Variants in NEBL observed in about 807,000 individuals in gnomAD.
NEBL encodes nebulette, also known as LIM and SH3 protein 2.
A neutral mutation model predicts 140.2 loss-of-function variants in NEBL; 122 were observed. That is an observed-to-expected ratio of 0.87 (90% confidence interval 0.75 to 1.01). The LOEUF (loss-of-function observed/expected upper bound fraction) is 1.01, where lower values mean the gene tolerates loss of function less well. Ranked by LOEUF, NEBL falls within the 50% of genes least tolerant of loss-of-function variation. The probability of loss-of-function intolerance (pLI) is 0.00; values close to 1 mark genes in which losing one functional copy is unlikely to be tolerated. For missense variants in NEBL, 1,365 were observed against 1,231.3 expected, an observed-to-expected ratio of 1.11 and a Z score of -1.62; for synonymous variants, 436 against 398.9, an observed-to-expected ratio of 1.09 and a Z score of -1.11.
At chr10:21,046,814 G>C (rs1379783919) in intron 2 of NEBL, among the ~76,000 whole-genome samples, 3 of 152,224 alleles carry the variant, frequency 2.0e-5, no homozygotes. Context: ...ATGTTAGCCA[G>C]GATCGTCTGG....
chr10:21,108,189 C>T (rs1173807275), intron 2 of NEBL, among the ~76,000 whole-genome samples: 1 of 152,050 alleles, frequency 6.6e-6, no homozygotes, highest in Non-Finnish European at 1.5e-5. Context: ...TTAGTTATTT[C>T]TTGCCTTCTG....
intron 2 of NEBL, among the ~76,000 whole-genome samples, chr10:21,077,879 GGCT>G: frequency 6.6e-6 from 1 of 152,100 alleles, no homozygotes; most frequent in Non-Finnish European, 1.5e-5. Context: ...CCGAGCTATG[GGCT>G]TCCCACACTA....
At chr10:20,925,748 T>C (rs7086221) in intron 4 of NEBL, among the ~76,000 whole-genome samples, 115,025 of 151,652 alleles carry the variant, frequency 0.76, 43,727 homozygotes, top group Admixed American at 0.83. Context: ...CTATCAAGAG[T>C]ACACAATTTG....
At chr10:20,809,976 CAA>C (rs1346393101) in intron 24 of NEBL, 78 bp from the exon 25 acceptor site, 1 of 1,007,428 alleles carries the variant, frequency 9.9e-7, no homozygotes, top group African/African-American at 1.7e-5. Flanking sequence ...AGCCAGTACC[CAA>C]AAGAGTCAAG....
intron 3 of NEBL, among the ~76,000 whole-genome samples, chr10:21,193,717 T>C (rs1456533265): frequency 6.6e-6 from 1 of 152,188 alleles, no homozygotes; most frequent in Non-Finnish European, 1.5e-5. Context: ...CACAGTACCA[T>C]ATATTTTCCT....
chr10:20,901,323 C>T (rs772802436), upstream of NEBL, among the ~76,000 whole-genome samples: 1 of 152,062 alleles, frequency 6.6e-6, no homozygotes, highest in African/African-American at 2.4e-5. Flanking sequence ...ATTCAAGTCT[C>T]AGAGACACAG....
intron 3 of NEBL, among the ~76,000 whole-genome samples, chr10:21,228,366 C>T (rs555441890): frequency 3.3e-5 from 5 of 152,200 alleles, no homozygotes; most frequent in South Asian, 2.1e-4. Flanking sequence ...TTTGCCCAGG[C>T]TGGTCTCAGA....
At chr10:21,169,067 A>AAAAAAAAAATAT (rs1554830679) in intron 2 of NEBL, among the ~76,000 whole-genome samples, 3 of 23,072 alleles carry the variant, frequency 1.3e-4, no homozygotes, top group Non-Finnish European at 1.7e-4. Flanking sequence ...AAAAAAAAAA[A>AAAAAAAAAATAT]ATATATATAT....
upstream of NEBL, among the ~76,000 whole-genome samples, chr10:20,901,870 T>G (rs542662567): frequency 3.3e-5 from 5 of 152,346 alleles, no homozygotes; most frequent in African/African-American, 1.2e-4. Context: ...ACTTTACTGA[T>G]GGACGAGGCA....
chr10:21,051,018 T>C (rs1220000840), intron 2 of NEBL, among the ~76,000 whole-genome samples: 1 of 152,200 alleles, frequency 6.6e-6, no homozygotes, highest in Non-Finnish European at 1.5e-5. Flanking sequence ...CATGTGTGTA[T>C]GGAATGTACA....
chr10:21,056,236 T>C (rs1835018432), intron 2 of NEBL, among the ~76,000 whole-genome samples: 1 of 152,220 alleles, frequency 6.6e-6, no homozygotes, highest in African/African-American at 2.4e-5. Context: ...AGATCCCTGA[T>C]TGCAATTTAT....
At chr10:20,881,452 A>G (rs1449786473) in intron 4 of NEBL, among the ~76,000 whole-genome samples, 1 of 152,166 alleles carries the variant, frequency 6.6e-6, no homozygotes, top group African/African-American at 2.4e-5. Flanking sequence ...ATCCATTACC[A>G]CCATGTTGAA....
chr10:21,029,459 T>C (rs74122607), intron 2 of NEBL: 18,421 of 1,611,584 alleles, frequency 0.011, 614 homozygotes, highest in East Asian at 0.098. Context: ...CTCAGTGCCC[T>C]GAGTCTCAAT....
intron 1 of NEBL, among the ~76,000 whole-genome samples, chr10:21,259,342 T>C (rs995081896): frequency 6.6e-6 from 1 of 152,054 alleles, no homozygotes; most frequent in Non-Finnish European, 1.5e-5. Context: ...TGCCCATCCC[T>C]ACTTGGAGAC....
At chr10:20,882,381 A>T (rs1388503144) in intron 4 of NEBL, among the ~76,000 whole-genome samples, 1 of 152,068 alleles carries the variant, frequency 6.6e-6, no homozygotes, top group African/African-American at 2.4e-5. Context: ...AAGAAAAAGA[A>T]AAAGAAAAAC....
At chr10:21,139,830 T>A (rs1839530230) in intron 2 of NEBL, among the ~76,000 whole-genome samples, 1 of 152,064 alleles carries the variant, frequency 6.6e-6, no homozygotes, top group Non-Finnish European at 1.5e-5. Flanking sequence ...AAGCTCAGAA[T>A]AATCTTCGTA....
At chr10:21,093,739 G>T (rs1393870383) in intron 2 of NEBL, among the ~76,000 whole-genome samples, 1 of 152,212 alleles carries the variant, frequency 6.6e-6, no homozygotes, top group Non-Finnish European at 1.5e-5. Context: ...CACTGGAAGA[G>T]GAGAACAATA....
intron 2 of NEBL, among the ~76,000 whole-genome samples, chr10:21,138,968 T>C (rs1839488022): frequency 1.3e-5 from 2 of 152,174 alleles, no homozygotes; most frequent in South Asian, 4.1e-4. Context: ...ACAGCCACTA[T>C]CCATGACTTC....
At chr10:20,860,121 A>G (rs1468571796) in intron 7 of NEBL, among the ~76,000 whole-genome samples, 1 of 152,126 alleles carries the variant, frequency 6.6e-6, no homozygotes, top group Non-Finnish European at 1.5e-5. Flanking sequence ...CTGCATTTCT[A>G]TAATCTATGA....
Sources: gnomAD v4.1 joint callset for allele counts (sites outside exome capture counted in the v4.1 genomes callset) on GRCh38, gnomAD v4.1.1 for gene constraint, MANE v1.5 for transcripts, NCBI Gene and HGNC (gene_info 2026-07-23, HGNC 2026-07-21) for gene names.